MARCHF1: variants seen among roughly 807,000 people sequenced by gnomAD.
MARCHF1 encodes E3 ubiquitin-protein ligase MARCHF1.
MARCHF1 carries 40 observed loss-of-function variants against 54.2 expected under a neutral mutation model. The ratio of observed to expected loss-of-function variants is 0.74; its 90% confidence interval spans 0.57 to 0.96. MARCHF1 has a LOEUF of 0.96. Ranked by LOEUF, MARCHF1 falls within the 40% of genes least tolerant of loss-of-function variation. The pLI is 0.00. For missense variants in MARCHF1, 586 were observed against 656.5 expected, an observed-to-expected ratio of 0.89 and a Z score of 1.17; for synonymous variants, 236 against 236.3, an observed-to-expected ratio of 1.00 and a Z score of 0.01.
At chr4:163,843,202 T>C (rs1285822308) in intron 4 of MARCHF1, among the ~76,000 whole-genome samples, 4 of 152,172 alleles carry the variant, frequency 2.6e-5, no homozygotes. Flanking sequence ...GATTTTATTC[T>C]TTTCTTGGCT....
intron 2 of MARCHF1, among the ~76,000 whole-genome samples, chr4:164,029,785 G>C (rs979526940): frequency 6.6e-6 from 1 of 152,010 alleles, no homozygotes; most frequent in African/African-American, 2.4e-5. Flanking sequence ...AGTAGAGACA[G>C]CGTTTCACCG....
rs533366586 is a variant in MARCHF1, at chr4:163,621,740, G to A, written c.163-8347C>T. ...CTACTTGCTGCTGAAGAGCAGGACA[G>A]GAGGAGAAAAACAAAGACTGAAATT... On this transcript the variant is annotated intron_variant, in intron 5 of 9. Coordinates refer to ENST00000514618, the MANE Select transcript of MARCHF1 (RefSeq NM_001394959.1). Among the ~76,000 whole-genome samples, 46 of 152,252 alleles carry A rather than the reference G, an allele frequency of 3.0e-4. No homozygotes were observed. In the South Asian group the frequency reaches 9.5e-3, roughly 32 times the overall value.
At chr4:163,931,045 C>T (rs1338799238) in intron 3 of MARCHF1, among the ~76,000 whole-genome samples, 37 of 151,862 alleles carry the variant, frequency 2.4e-4, no homozygotes, top group Admixed American at 2.4e-3. Context: ...GGCTCTAATC[C>T]CATAAGTTTG....
intron 1 of MARCHF1, among the ~76,000 whole-genome samples, chr4:164,267,744 G>A (rs906125178): frequency 1.3e-5 from 2 of 152,144 alleles, no homozygotes; most frequent in African/African-American, 4.8e-5. Context: ...CACCTTCAGT[G>A]AGCATGTGTA....
chr4:164,145,574 CAT>C (rs1729659183), intron 1 of MARCHF1, among the ~76,000 whole-genome samples: 1 of 152,164 alleles, frequency 6.6e-6, no homozygotes, highest in Admixed American at 6.5e-5. Flanking sequence ...ACAAAAACCA[CAT>C]GATTACCTCA....
At position 163,854,790 on chromosome 4, in the gene MARCHF1, A is replaced by T. The variant is rs548207787; in HGVS notation, c.-38-621T>A. 6.6e-4 allele frequency among the ~76,000 whole-genome samples: 101 copies of T among 152,304 alleles called. 1 individual carries two copies. Among genetic ancestry groups the T allele is most frequent in the African/African-American group, 2.3e-3 (96 of 41,584 alleles). Reference sequence around the variant, plus strand: ...TCCTTACTATGTCATGAGTAGAAATATTCCACAACTCTTTCTAGACTTCTA... The same window carrying T: ...TCCTTACTATGTCATGAGTAGAAATTTTCCACAACTCTTTCTAGACTTCTA... On this transcript the variant is annotated intron_variant, in intron 3 of 9. Transcript: ENST00000514618.
chr4:164,197,335 T>A, intron 1 of MARCHF1: 1 of 1,612,472 alleles, frequency 6.2e-7, no homozygotes, highest in Non-Finnish European at 8.5e-7. Context: ...TTCTCCGTAG[T>A]CGTTCAGGTT....
chr4:164,280,478 G>A (rs1302289827), intron 1 of MARCHF1, among the ~76,000 whole-genome samples: 2 of 152,012 alleles, frequency 1.3e-5, no homozygotes, highest in East Asian at 1.9e-4. Context: ...AATTATTCAA[G>A]AAAAGGTGTT....
At chr4:164,046,272 T>C (rs2111032189) in intron 2 of MARCHF1, among the ~76,000 whole-genome samples, 1 of 152,338 alleles carries the variant, frequency 6.6e-6, no homozygotes, top group Non-Finnish European at 1.5e-5. Flanking sequence ...ACACTATTTC[T>C]ATCTTCCAAG....
intron 4 of MARCHF1, among the ~76,000 whole-genome samples, chr4:163,766,043 A>G (rs933589791): frequency 1.9e-4 from 28 of 151,274 alleles, no homozygotes; most frequent in African/African-American, 6.3e-4. Flanking sequence ...GTTTCTTTCT[A>G]TGATTATCAA....
intron 3 of MARCHF1, among the ~76,000 whole-genome samples, chr4:163,946,327 G>C (rs1752025206): frequency 6.6e-6 from 1 of 151,906 alleles, no homozygotes; most frequent in South Asian, 2.1e-4. Context: ...TTTTCCACTT[G>C]TCCTTAAATA....
rs558611372 is a variant in MARCHF1 at position 163,592,816 on chromosome 4, G to A, written c.1011-6887C>T. On this transcript the variant is annotated intron_variant, in intron 7 of 9. Transcript: ENST00000514618. ...TAGTGGTTCAGTCTCATAGTGGGCC[G>A]GAGCCTCTTTGAAGACTATCTGAGA... Among the ~76,000 whole-genome samples the A allele has an allele frequency of 5.9e-5, 9 of 152,064 alleles. No individual in the cohort carries two copies. The South Asian group carries it at 1.5e-3, about 25-fold the overall frequency.
At chr4:163,661,195 A>T (rs1050926134) in intron 5 of MARCHF1, among the ~76,000 whole-genome samples, 3 of 152,038 alleles carry the variant, frequency 2.0e-5, no homozygotes, top group Non-Finnish European at 2.9e-5. Flanking sequence ...GTCACCTGCT[A>T]TGCTAACTTT....
At chr4:164,359,166 T>A (rs1449141569) in intron 1 of MARCHF1, among the ~76,000 whole-genome samples, 1 of 152,184 alleles carries the variant, frequency 6.6e-6, no homozygotes, top group African/African-American at 2.4e-5. Flanking sequence ...ATTCGGAAGA[T>A]GTGGCCATTC....
intron 2 of MARCHF1, among the ~76,000 whole-genome samples, chr4:164,024,104 A>G (rs1361698316): frequency 6.6e-6 from 1 of 152,194 alleles, no homozygotes; most frequent in Non-Finnish European, 1.5e-5. Context: ...GACTAAACCT[A>G]TGACTCACTG....
At chr4:163,877,188 T>C (rs1311178943) in intron 3 of MARCHF1, among the ~76,000 whole-genome samples, 1 of 152,190 alleles carries the variant, frequency 6.6e-6, no homozygotes, top group Non-Finnish European at 1.5e-5. Flanking sequence ...TGTTATCACT[T>C]GTGATATCAA....
At chr4:164,028,956 CAT>C (rs1476910874) in intron 2 of MARCHF1, among the ~76,000 whole-genome samples, 2 of 152,102 alleles carry the variant, frequency 1.3e-5, no homozygotes, top group African/African-American at 4.8e-5. Flanking sequence ...TGTATTGACT[CAT>C]AGTAACTTTA....
intron 1 of MARCHF1, among the ~76,000 whole-genome samples, chr4:164,187,776 A>G (rs925837719): frequency 1.3e-5 from 2 of 152,190 alleles, no homozygotes; most frequent in Admixed American, 6.5e-5. Context: ...ACTAGTCACA[A>G]TTGTTTCATG....
chr4:164,243,147 G>A (rs1182258042), intron 1 of MARCHF1, among the ~76,000 whole-genome samples: 102 of 125,452 alleles, frequency 8.1e-4, no homozygotes, highest in African/African-American at 2.8e-3. Context: ...GATACTCCTC[G>A]AGAAGAGCAA....
Sources: allele counts gnomAD v4.1 joint callset (sites outside exome capture counted in the v4.1 genomes callset), GRCh38; gene constraint gnomAD v4.1.1; transcripts MANE v1.5; gene names NCBI Gene and HGNC (gene_info 2026-07-23, HGNC 2026-07-21).